The following STARD13 variants were observed in gnomAD, a reference collection of about 807,000 sequenced individuals.
The protein encoded by STARD13 is stAR-related lipid transfer protein 13.
In STARD13, 62 loss-of-function variants were observed where a neutral mutation model predicts 106.4. The ratio of observed to expected loss-of-function variants is 0.58; its 90% CI spans 0.48 to 0.72. The LOEUF is 0.72. Among genes scored for constraint, STARD13 ranks in the 30% least tolerant of loss-of-function variants. STARD13 has a pLI of 0.00. For missense variants in STARD13, 1,387 were observed against 1,424.0 expected (o/e 0.97, Z 0.42); for synonymous variants, 565 against 553.0 (o/e 1.02, Z -0.31).
At chr13:33,217,403 C>A (rs990694608) in intron 1 of STARD13, among the ~76,000 whole-genome samples, 2 of 152,218 alleles carry the variant, frequency 1.3e-5, no homozygotes, top group Non-Finnish European at 2.9e-5. Flanking sequence ...TCAAAACCCT[C>A]TCCATCCAAC....
chr13:33,380,442 T>TACCCCTACCGTCACACACACAC, the STARD13 span, among the ~76,000 whole-genome samples: 2 of 134,108 alleles, frequency 1.5e-5, no homozygotes, highest in African/African-American at 5.6e-5. Flanking sequence ...AGGTGGAGAA[T>TACCCCTACCGTCACACACACAC]ACCCCTACCG....
intron 1 of STARD13, among the ~76,000 whole-genome samples, chr13:33,265,758 T>G (rs1428203836): frequency 3.9e-5 from 6 of 152,056 alleles, no homozygotes; most frequent in Non-Finnish European, 5.9e-5. Flanking sequence ...AAATTTCTGT[T>G]GTAAGGTGAC....
chr13:33,481,662 A>T, the STARD13 span, among the ~76,000 whole-genome samples: 3 of 152,292 alleles, frequency 2.0e-5, no homozygotes, highest in South Asian at 6.2e-4. Flanking sequence ...GGAAAGAGAG[A>T]AGTAGTCAAA....
At chr13:33,214,661 C>T (rs1434325930) in intron 1 of STARD13, among the ~76,000 whole-genome samples, 1 of 150,436 alleles carries the variant, frequency 6.6e-6, no homozygotes, top group African/African-American at 2.5e-5. Context: ...ACCTTACACA[C>T]AAACACACAC....
At chr13:33,639,781 C>A in the STARD13 span, among the ~76,000 whole-genome samples, 960 of 152,342 alleles carry the variant, frequency 6.3e-3, 12 homozygotes, top group African/African-American at 0.022. Flanking sequence ...CTGTTCTGTA[C>A]CTCACTTCCG....
At chr13:33,262,666 C>CACACACAA (rs1566105477) in intron 1 of STARD13, among the ~76,000 whole-genome samples, 3 of 141,674 alleles carry the variant, frequency 2.1e-5, no homozygotes, top group African/African-American at 7.9e-5. Context: ...ACACACAACA[C>CACACACAA]ACACACACAC....
the STARD13 span, among the ~76,000 whole-genome samples, chr13:33,522,696 A>T: frequency 1.3e-5 from 2 of 152,202 alleles, no homozygotes; most frequent in Non-Finnish European, 2.9e-5. Context: ...TTATAAAGGC[A>T]TTACAAAAGC....
At chr13:33,145,070 T>G (rs887834866) in intron 3 of STARD13, among the ~76,000 whole-genome samples, 2 of 152,238 alleles carry the variant, frequency 1.3e-5, no homozygotes, top group Non-Finnish European at 2.9e-5. Context: ...TAAACTCAGA[T>G]GTTTGCCTGT....
At chr13:33,201,441 A>T (rs1165867657) in intron 1 of STARD13, among the ~76,000 whole-genome samples, 2 of 152,250 alleles carry the variant, frequency 1.3e-5, no homozygotes, top group African/African-American at 4.8e-5. Context: ...ACATGGCTTT[A>T]CCTCTGCCAG....
intron 8 of STARD13, among the ~76,000 whole-genome samples, chr13:33,115,171 C>T (rs1875182636): frequency 6.6e-6 from 1 of 152,168 alleles, no homozygotes; most frequent in African/African-American, 2.4e-5. Context: ...ATTTTCATTA[C>T]CCATCCAACA....
chr13:33,665,491 A>C, the STARD13 span, among the ~76,000 whole-genome samples: 1 of 152,228 alleles, frequency 6.6e-6, no homozygotes, highest in Non-Finnish European at 1.5e-5. Context: ...CATTTAAGTT[A>C]TCTCTCGATG....
At chr13:33,175,658 C>CTG (rs1242514494) in intron 1 of STARD13, among the ~76,000 whole-genome samples, 1 of 152,202 alleles carries the variant, frequency 6.6e-6, no homozygotes, top group South Asian at 2.1e-4. Flanking sequence ...GGTACTCACT[C>CTG]TGTGTCATGC....
the STARD13 span, among the ~76,000 whole-genome samples, chr13:33,419,768 A>G: frequency 6.6e-6 from 1 of 152,234 alleles, no homozygotes; most frequent in African/African-American, 2.4e-5. Context: ...CTTGGCAGAA[A>G]CCCTACAAGC....
the STARD13 span, among the ~76,000 whole-genome samples, chr13:33,436,906 G>C: frequency 6.6e-6 from 1 of 152,102 alleles, no homozygotes; most frequent in African/African-American, 2.4e-5. Flanking sequence ...CACCTCACAA[G>C]GGTCAACAGT....
At chr13:33,542,439 C>T in the STARD13 span, among the ~76,000 whole-genome samples, 1 of 152,250 alleles carries the variant, frequency 6.6e-6, no homozygotes, top group Non-Finnish European at 1.5e-5. Context: ...GGATTTAAAA[C>T]AAAACCCATT....
chr13:33,670,077 T>C, the STARD13 span, among the ~76,000 whole-genome samples: 6 of 152,190 alleles, frequency 3.9e-5, no homozygotes, highest in Admixed American at 6.5e-5. Flanking sequence ...GATTGGCTGA[T>C]CATTTGGGCT....
intron 4 of STARD13, among the ~76,000 whole-genome samples, chr13:33,135,166 T>G (rs1410706483): frequency 6.6e-6 from 1 of 152,244 alleles, no homozygotes; most frequent in African/African-American, 2.4e-5. Context: ...TTGAAAGAAC[T>G]AATAGCTTGA....
At chr13:33,442,492 C>T in the STARD13 span, among the ~76,000 whole-genome samples, 7 of 152,074 alleles carry the variant, frequency 4.6e-5, no homozygotes, top group African/African-American at 1.7e-4. Flanking sequence ...TTATCTTGTC[C>T]TAAATGTAGA....
chr13:33,176,864 T>C (rs953086054), intron 1 of STARD13, among the ~76,000 whole-genome samples: 1 of 152,194 alleles, frequency 6.6e-6, no homozygotes, highest in Non-Finnish European at 1.5e-5. Flanking sequence ...ACATCAACTA[T>C]AAAAATGTTT....
Sources: gnomAD v4.1 joint callset for allele counts (sites outside exome capture counted in the v4.1 genomes callset) on GRCh38, gnomAD v4.1.1 for gene constraint, MANE v1.5 for transcripts, NCBI Gene and HGNC (gene_info 2026-07-23, HGNC 2026-07-21) for gene names.